The following SLC43A2 variants were observed in gnomAD, a reference collection of about 807,000 sequenced individuals.
The protein encoded by SLC43A2 is large neutral amino acids transporter small subunit 4.
Under a neutral mutation model 63.2 loss-of-function variants are expected in SLC43A2, and 38 were observed. The ratio of observed to expected loss-of-function variants is 0.60; its 90% CI spans 0.46 to 0.79. The LOEUF (loss-of-function observed/expected upper bound fraction) is 0.79. SLC43A2 is among the 30% of genes least tolerant of loss of function. The pLI, the probability that SLC43A2 is intolerant of heterozygous loss-of-function variation, is 0.00. For synonymous variants in SLC43A2, 322 were observed against 331.0 expected, an observed-to-expected ratio of 0.97 and a Z score of 0.30; for missense variants, 644 against 756.2, an observed-to-expected ratio of 0.85 and a Z score of 1.74.
chr17:1,596,260 AGT>A (rs1905264402), intron 5 of SLC43A2, among the ~76,000 whole-genome samples: 1 of 152,048 alleles, frequency 6.6e-6, no homozygotes, highest in African/African-American at 2.4e-5. Context: ...TGGAGGTTGC[AGT>A]GAGCTGACAT....
chr17:1,619,612 C>G (rs1907973766), intron 2 of SLC43A2, among the ~76,000 whole-genome samples: 1 of 152,220 alleles, frequency 6.6e-6, no homozygotes, highest in Non-Finnish European at 1.5e-5. Flanking sequence ...GCCGACAGGC[C>G]TGGGCCACTC....
At chr17:1,596,128 G>T (rs1393028838) in intron 5 of SLC43A2, among the ~76,000 whole-genome samples, 1 of 151,892 alleles carries the variant, frequency 6.6e-6, no homozygotes, top group Admixed American at 6.6e-5. Flanking sequence ...ACACCAGCCT[G>T]GCCAACATGG....
Position 1,605,846 on chromosome 17 carries a change from C to T in SLC43A2, c.501+7349G>A, listed in dbSNP as rs1057004550. Among the ~76,000 whole-genome samples the T allele has an allele frequency of 1.3e-5, 2 of 152,176 alleles. No individual in the cohort carries two copies. Among genetic ancestry groups the T allele is most frequent in the African/African-American group, 4.8e-5 (2 of 41,436 alleles). ...CAAGGTCCTTGTGGTCACCTTTCTG[C>T]TTCAGTGCTGAAGGGAGGGGAAGGG... On this transcript the variant is annotated intron_variant, in intron 5 of 13. Coordinates refer to ENST00000301335, the MANE Select transcript of SLC43A2 (RefSeq NM_152346.3). This position sits in a 1 kb window ranked among gnomAD's most constrained non-coding sequence, Gnocchi z 4.9.
At position 1,578,583 on chromosome 17, in the gene SLC43A2, A is replaced by C; in HGVS notation, c.1351-260T>G. 1 of 476,108 alleles carries C rather than the reference A, an allele frequency of 2.1e-6. No homozygotes were observed. Among genetic ancestry groups the C allele is most frequent in the South Asian group, 2.9e-5 (1 of 34,068 alleles). 29.5% of individuals were successfully genotyped at this position (476,108 alleles called of 1,614,324 possible). A position where few individuals can be genotyped will look rare whatever the true frequency, so the allele number is the denominator to read the frequency against. ...TGCTTTGTCGCCCAGGCTGGAGTGC[A>C]GTGGCGTGATCTTGGCTCACTGCAA... On this transcript the variant is annotated intron_variant, in intron 11 of 13. Transcript: ENST00000301335. This position sits in a 1 kb window ranked among gnomAD's most constrained non-coding sequence, Gnocchi z 6.5.
Position 1,616,822 on chromosome 17 carries a change from A to G in SLC43A2, c.161-53T>C, listed in dbSNP as rs60445133. On this transcript the variant is annotated intron_variant, in intron 2 of 13. Transcript: ENST00000301335. ...CCTCAGGGTCATGACAGGGATTCCCAAAGATCAGAAGGGCAGGTGCCCATT... is the reference window on the plus strand; with the variant it reads ...CCTCAGGGTCATGACAGGGATTCCCGAAGATCAGAAGGGCAGGTGCCCATT... The G allele has an allele frequency of 1.7e-3, 2,639 of 1,593,586 alleles. 51 individuals carry two copies. In the African/African-American group the frequency reaches 0.032, roughly 19 times the overall value.
Position 1,607,365 on chromosome 17 carries a change from T to C in SLC43A2, c.501+5830A>G, listed in dbSNP as rs1906713908. 2.0e-5 allele frequency among the ~76,000 whole-genome samples: 3 copies of C among 152,174 alleles called. No individual in the cohort carries two copies. The South Asian group carries it at 6.2e-4, about 32-fold the overall frequency. On this transcript the variant is annotated intron_variant, in intron 5 of 13. Coordinates refer to ENST00000301335, the MANE Select transcript of SLC43A2 (RefSeq NM_152346.3). ...TCTGAAGTCCTGGGTTGTATCAGAA[T>C]GAGATTCGGCTCTGCTCAGCAGAAG...
intron 2 of SLC43A2, among the ~76,000 whole-genome samples, chr17:1,623,648 TCCTCTCCTCCAGGGC>T (rs1908366818): frequency 2.0e-5 from 3 of 150,510 alleles, no homozygotes; most frequent in Non-Finnish European, 3.0e-5. Flanking sequence ...GGCTGTACCC[TCCTCTCCTCCAGGGC>T]GTACCCTCCT....
rs566524189 is a variant in SLC43A2, at chr17:1,583,580, T to C, written c.1218-244A>G. 5 of 529,470 alleles carry C rather than the reference T, an allele frequency of 9.4e-6. No individual in the cohort carries two copies. In the South Asian group the frequency reaches 1.3e-4, roughly 14 times the overall value. 32.8% of individuals were successfully genotyped at this position (529,470 alleles called of 1,614,324 possible). A position where few individuals can be genotyped will look rare whatever the true frequency, so the allele number is the denominator to read the frequency against. On this transcript the variant is annotated intron_variant, in intron 10 of 13. Transcript: ENST00000301335. The surrounding 1 kb of genome is among the most constrained non-coding windows in gnomAD (Gnocchi z 5.5). ...GGGTACAAGAAGATGGCCATCCATA[T>C]GCTGCAGTGCTCTGTGAAGGCTGAG...
At chr17:1,586,927 A>AGGCC in intron 9 of SLC43A2, 3 of 1,355,942 alleles carry the variant, frequency 2.2e-6, no homozygotes, top group South Asian at 1.3e-5. Context: ...TTCCCTGACA[A>AGGCC]TCCCCCCCAC....
rs146801444 is a variant in SLC43A2, at chr17:1,578,303, G to T, written c.1371C>A (p.His457Gln). 5.6e-6 allele frequency: 9 copies of T among 1,613,992 alleles called. No homozygotes were observed. The highest frequency in any genetic ancestry group is 7.6e-6 in the Non-Finnish European group (9 of 1,179,982). ...LPLQILSFIL[H>Q]TIVRGFIHSA... is the part of the protein sequence containing the mutation. ...AGTGGATGAATCCTCGCACGATTGTGTGCAGGATGAAGGAGAGGATCTGGG... is the reference window on the plus strand; with the variant it reads ...AGTGGATGAATCCTCGCACGATTGTTTGCAGGATGAAGGAGAGGATCTGGG... The change falls in exon 12 of 14, where the codon CAC becomes CAA. Residue 457 changes from histidine (H) to glutamine (Q), a missense_variant. His to Gln is a conservative substitution (Grantham distance 24, BLOSUM62 0). Coordinates refer to ENST00000301335, the MANE Select transcript of SLC43A2 (RefSeq NM_152346.3). The surrounding 1 kb of genome is among the most constrained non-coding windows in gnomAD (Gnocchi z 6.5).
intron 5 of SLC43A2, among the ~76,000 whole-genome samples, chr17:1,610,821 CT>C (rs889960910): frequency 6.6e-6 from 1 of 150,938 alleles, no homozygotes; most frequent in Non-Finnish European, 1.5e-5. Context: ...CGCAGGGTCC[CT>C]TTTAAAGTCT....
chr17:1,597,538 G>A (rs1236828520), intron 5 of SLC43A2, among the ~76,000 whole-genome samples: 1 of 148,182 alleles, frequency 6.7e-6, no homozygotes, highest in Non-Finnish European at 1.5e-5. Context: ...GGTGGCTCAC[G>A]CCTGTAATCC....
intron 2 of SLC43A2, among the ~76,000 whole-genome samples, chr17:1,626,920 C>T (rs184811054): frequency 6.6e-6 from 1 of 152,140 alleles, no homozygotes; most frequent in East Asian, 1.9e-4. Flanking sequence ...GCTGAATTTA[C>T]TGCCCTGTAG....
intron 5 of SLC43A2, among the ~76,000 whole-genome samples, chr17:1,596,086 C>T (rs576021560): frequency 4.6e-5 from 7 of 151,666 alleles, no homozygotes; most frequent in Admixed American, 1.3e-4. Flanking sequence ...TTTGGGAGGC[C>T]GAGGCAGGCA....
Position 1,627,698 on chromosome 17 carries a change from C to A in SLC43A2, c.160+17G>T. ...CCAGCTCCAGGAGCCCCCCGCAACCCCAGGCGCTTGTCTCACCTGGCTCGG... is the reference window on the plus strand; with the variant it reads ...CCAGCTCCAGGAGCCCCCCGCAACCACAGGCGCTTGTCTCACCTGGCTCGG... On this transcript the variant is annotated intron_variant, in intron 2 of 13. Transcript: ENST00000301335. The A allele has an allele frequency of 6.6e-7, 1 of 1,524,096 alleles. No individual in the cohort carries two copies. Among genetic ancestry groups the A allele is most frequent in the Admixed American group, 2.1e-5 (1 of 48,088 alleles). 94.4% of individuals were successfully genotyped at this position (1,524,096 alleles called of 1,614,324 possible).
At chr17:1,623,587 G>A (rs903852224) in intron 2 of SLC43A2, among the ~76,000 whole-genome samples, 2 of 151,718 alleles carry the variant, frequency 1.3e-5, no homozygotes, top group Non-Finnish European at 2.9e-5. Flanking sequence ...TGCAGCCCCC[G>A]CCCCTTCCCA....
At chr17:1,618,993 C>T (rs1296289858) in intron 2 of SLC43A2, among the ~76,000 whole-genome samples, 2 of 145,444 alleles carry the variant, frequency 1.4e-5, no homozygotes, top group African/African-American at 5.1e-5. Flanking sequence ...TCAAAAAAAA[C>T]AAAAAACAAA....
chr17:1,594,038 C>T (rs1905051091), intron 5 of SLC43A2, among the ~76,000 whole-genome samples: 2 of 152,094 alleles, frequency 1.3e-5, no homozygotes, highest in Admixed American at 1.3e-4. Flanking sequence ...GGGGTTTCAC[C>T]ATGTTGGCCA....
intron 5 of SLC43A2, among the ~76,000 whole-genome samples, chr17:1,608,581 A>T (rs1906827103): frequency 6.6e-6 from 1 of 152,078 alleles, no homozygotes; most frequent in South Asian, 2.1e-4. Context: ...TTTAGTACAG[A>T]TTGGGTTTCA....
Sources: gnomAD v4.1 joint callset for allele counts (sites outside exome capture counted in the v4.1 genomes callset) on GRCh38, gnomAD v4.1.1 for gene constraint, Gnocchi (gnomAD v3.1) non-coding constraint, MANE v1.5 for transcripts, NCBI Gene and HGNC (gene_info 2026-07-23, HGNC 2026-07-21) for gene names.